The following LRP1B variants were observed in gnomAD, a reference collection of about 807,000 sequenced individuals.
The protein encoded by LRP1B is LDL receptor related protein 1B.
In LRP1B, 217 loss-of-function variants were observed where a neutral mutation model predicts 556.6. The observed-to-expected ratio is 0.39, with a 90% CI of 0.35 to 0.44. The LOEUF is 0.44. Ranked by LOEUF, LRP1B falls within the 20% of genes least tolerant of loss-of-function variation. LRP1B has a pLI of 1.00. For synonymous variants in LRP1B, 2,047 were observed against 1,865.8 expected, an observed-to-expected ratio of 1.10 and a Z score of -2.50; for missense variants, 5,053 against 5,620.8, an observed-to-expected ratio of 0.90 and a Z score of 3.23.
At chr2:140,848,799 G>A (rs1275471374) in intron 29 of LRP1B, among the ~76,000 whole-genome samples, 2 of 152,066 alleles carry the variant, frequency 1.3e-5, no homozygotes, top group Non-Finnish European at 2.9e-5. Context: ...AAATCACAAT[G>A]TGCCAAACTT....
At chr2:141,791,669 G>A (rs1186657982) in intron 2 of LRP1B, among the ~76,000 whole-genome samples, 3 of 151,884 alleles carry the variant, frequency 2.0e-5, no homozygotes, top group Non-Finnish European at 4.4e-5. Flanking sequence ...GGTGATTTTC[G>A]AAATGATTAA....
At chr2:142,022,324 G>A (rs919389573) in intron 1 of LRP1B, among the ~76,000 whole-genome samples, 1 of 151,680 alleles carries the variant, frequency 6.6e-6, no homozygotes, top group Non-Finnish European at 1.5e-5. Flanking sequence ...AGAATAGATA[G>A]TATAATCTCC....
At chr2:140,669,226 T>C (rs555649256) in intron 41 of LRP1B, among the ~76,000 whole-genome samples, 2 of 152,164 alleles carry the variant, frequency 1.3e-5, no homozygotes, top group African/African-American at 2.4e-5. Flanking sequence ...CTGGCTCTTA[T>C]AGGGATATAA....
chr2:141,480,227 A>T, intron 3 of LRP1B, 169 bp downstream of exon 3: 3 of 714,960 alleles, frequency 4.2e-6, no homozygotes, highest in South Asian at 3.3e-5. Flanking sequence ...CAAACATAAT[A>T]CTTGCAGCTT....
chr2:141,904,273 T>G (rs528838305), intron 1 of LRP1B, among the ~76,000 whole-genome samples: 1 of 151,924 alleles, frequency 6.6e-6, no homozygotes, highest in African/African-American at 2.4e-5. Flanking sequence ...TGGTGTAGCT[T>G]TCAATTTTAG....
chr2:140,910,623 A>G (rs1694392214), intron 21 of LRP1B, among the ~76,000 whole-genome samples: 1 of 151,876 alleles, frequency 6.6e-6, no homozygotes, highest in East Asian at 1.9e-4. Context: ...GGGTTCTTTT[A>G]AATCAATAAG....
chr2:141,836,094 A>C (rs574756009), intron 1 of LRP1B, among the ~76,000 whole-genome samples: 1 of 152,118 alleles, frequency 6.6e-6, no homozygotes, highest in Non-Finnish European at 1.5e-5. Flanking sequence ...ATCTGTGCCT[A>C]ACAGATGTGT....
At chr2:140,943,145 G>A (rs1031634101) in intron 20 of LRP1B, among the ~76,000 whole-genome samples, 1 of 151,996 alleles carries the variant, frequency 6.6e-6, no homozygotes, top group Non-Finnish European at 1.5e-5. Context: ...CTTGTATCAA[G>A]TAAAATAGAC....
At chr2:142,113,888 C>A (rs1173495757) in intron 1 of LRP1B, among the ~76,000 whole-genome samples, 1 of 152,120 alleles carries the variant, frequency 6.6e-6, no homozygotes, top group African/African-American at 2.4e-5. Context: ...TATACACAGT[C>A]CTCCAGCTGT....
chr2:141,122,835 G>A (rs1052061111), intron 7 of LRP1B, among the ~76,000 whole-genome samples: 1 of 152,116 alleles, frequency 6.6e-6, no homozygotes, highest in Non-Finnish European at 1.5e-5. Flanking sequence ...CAATAGCAAA[G>A]ACTTGGAACC....
chr2:140,503,147 A>G lies in LRP1B; in HGVS notation c.8522-44T>C, dbSNP rs370641174. 9 of 1,565,012 alleles carry G rather than the reference A, an allele frequency of 5.8e-6. No homozygotes were observed. In the South Asian group the frequency reaches 1.0e-4, roughly 17 times the overall value. ...CATTTGACTAATTCACATAACAAAT[A>G]CTAATTGAAACGTCATCTCCTCAAT... On this transcript the variant is annotated intron_variant, in intron 53 of 90. Coordinates refer to ENST00000389484, the MANE Select transcript of LRP1B (RefSeq NM_018557.3).
intron 35 of LRP1B, among the ~76,000 whole-genome samples, chr2:140,727,114 C>A (rs1442805179): frequency 1.3e-5 from 2 of 151,932 alleles, no homozygotes; most frequent in Non-Finnish European, 2.9e-5. Flanking sequence ...ATATTTAATA[C>A]AGTAATAAGA....
chr2:140,393,202 G>A (rs542381787), intron 66 of LRP1B, among the ~76,000 whole-genome samples: 46 of 151,682 alleles, frequency 3.0e-4, no homozygotes, highest in African/African-American at 9.4e-4. Context: ...TACATTATTG[G>A]GGAAACACTG....
chr2:141,304,668 A>AT (rs1023387297), intron 3 of LRP1B, among the ~76,000 whole-genome samples: 4 of 150,418 alleles, frequency 2.7e-5, no homozygotes, highest in Non-Finnish European at 4.4e-5. Flanking sequence ...ATATATATAT[A>AT]TTTTTTATTT....
chr2:140,654,025 CAAAAAAAAA>C (rs61199077), intron 41 of LRP1B, among the ~76,000 whole-genome samples: 2 of 35,398 alleles, frequency 5.7e-5, no homozygotes, highest in African/African-American at 1.9e-4. Flanking sequence ...GACTCCATCT[CAAAAAAAAA>C]AAAAAAAAAA....
intron 84 of LRP1B, among the ~76,000 whole-genome samples, chr2:140,293,092 G>A (rs1408168694): frequency 6.6e-6 from 1 of 152,092 alleles, no homozygotes; most frequent in Admixed American, 6.5e-5. Flanking sequence ...AAATTATAAT[G>A]GTTCTGCAAG....
At chr2:140,974,911 T>C (rs951091164) in intron 18 of LRP1B, among the ~76,000 whole-genome samples, 2 of 152,178 alleles carry the variant, frequency 1.3e-5, no homozygotes, top group East Asian at 1.9e-4. Flanking sequence ...AATTGTGTGG[T>C]TCCTGAGAAG....
At position 140,325,753 on chromosome 2, in the gene LRP1B, T is replaced by C; in HGVS notation, c.12340+9A>G. On this transcript the variant is annotated intron_variant, in intron 80 of 90. Coordinates refer to ENST00000389484, the MANE Select transcript of LRP1B (RefSeq NM_018557.3). ...CAATTAAAAATGAAGACAAAAGCAC[T>C]TCACAAACCTTGTTTGCTGCTGACA... 1 of 1,579,900 alleles carries C rather than the reference T, an allele frequency of 6.3e-7. No individual in the cohort carries two copies. Among genetic ancestry groups the C allele is most frequent in the Non-Finnish European group, 8.7e-7 (1 of 1,152,856 alleles).
chr2:141,997,729 C>T (rs1702541770), intron 1 of LRP1B, among the ~76,000 whole-genome samples: 1 of 150,412 alleles, frequency 6.6e-6, no homozygotes, highest in South Asian at 2.1e-4. Flanking sequence ...CTTTATTCTT[C>T]TCAGTTGACT....
Sources: allele counts gnomAD v4.1 joint callset (sites outside exome capture counted in the v4.1 genomes callset), GRCh38; gene constraint gnomAD v4.1.1; transcripts MANE v1.5; gene names NCBI Gene and HGNC (gene_info 2026-07-23, HGNC 2026-07-21).